Variants in PREX1 observed in about 807,000 individuals in gnomAD.
PREX1 encodes phosphatidylinositol-3,4,5-trisphosphate dependent Rac exchange factor 1, also known as phosphatidylinositol 3,4,5-trisphosphate-dependent Rac exchanger 1 protein.
A neutral mutation model predicts 198.3 loss-of-function variants in PREX1; 41 were observed. The ratio of observed to expected loss-of-function variants is 0.21; its 90% CI spans 0.16 to 0.27. The LOEUF is 0.27. Ranked by LOEUF, PREX1 falls within the 10% of genes least tolerant of loss-of-function variation. The probability of loss-of-function intolerance (pLI) is 1.00; values close to 1 mark genes in which losing one functional copy is unlikely to be tolerated. For synonymous variants in PREX1, 843 were observed against 887.2 expected (o/e 0.95, Z 0.89); for missense variants, 1,620 against 2,200.7 (o/e 0.74, Z 5.28).
At chr20:48,863,321 T>A in the PREX1 span, among the ~76,000 whole-genome samples, 1 of 152,140 alleles carries the variant, frequency 6.6e-6, no homozygotes, top group African/African-American at 2.4e-5. Flanking sequence ...TAGTTTATAT[T>A]AGAGTTGACT....
chr20:48,820,724 C>CTACTGGCA (rs2090480792), intron 1 of PREX1, among the ~76,000 whole-genome samples: 2 of 152,134 alleles, frequency 1.3e-5, no homozygotes, highest in Admixed American at 6.5e-5. Flanking sequence ...AAGAGGGGTC[C>CTACTGGCA]TACTGGCATC....
Position 48,638,163 on chromosome 20 carries a change from TATACTC to T in PREX1, c.3905-417_3905-412del, listed in dbSNP as rs569434493. ...CATGCCACACACAGAGACACACACATATACTCATACGTAGACTCACATATGTACACA... is the reference window on the plus strand; with the variant it reads ...CATGCCACACACAGAGACACACACATATACGTAGACTCACATATGTACACA... On this transcript the variant is annotated intron_variant, in intron 30 of 39. Coordinates refer to ENST00000371941, the MANE Select transcript of PREX1 (RefSeq NM_020820.4). Among the ~76,000 whole-genome samples the T allele has an allele frequency of 6.6e-3, 1,001 of 151,836 alleles. 10 individuals are homozygous for T. The highest frequency in any genetic ancestry group is 0.023 in the African/African-American group (960 of 41,378).
intron 26 of PREX1, 112 bp from the exon 27 acceptor site, chr20:48,644,609 G>T: frequency 1.1e-6 from 1 of 939,686 alleles, no homozygotes; most frequent in Non-Finnish European, 1.6e-6. Flanking sequence ...CCCTCAGGTG[G>T]GCGTGCAGCC....
At chr20:48,756,942 G>A (rs1344726905) in intron 1 of PREX1, among the ~76,000 whole-genome samples, 1 of 152,130 alleles carries the variant, frequency 6.6e-6, no homozygotes, top group African/African-American at 2.4e-5. Context: ...CTTGTGTAGG[G>A]GAACTCCCCT....
At chr20:48,767,253 C>T (rs1023880685) in intron 1 of PREX1, among the ~76,000 whole-genome samples, 2 of 152,240 alleles carry the variant, frequency 1.3e-5, no homozygotes, top group African/African-American at 4.8e-5. Flanking sequence ...AGCCACACCA[C>T]AGACTACGAC....
At chr20:48,743,098 T>A (rs1287922947) in intron 3 of PREX1, among the ~76,000 whole-genome samples, 1 of 152,144 alleles carries the variant, frequency 6.6e-6, no homozygotes, top group Non-Finnish European at 1.5e-5. Flanking sequence ...AGGTCATTCA[T>A]CCTCATGACA....
At chr20:48,797,768 T>C (rs1403840086) in intron 1 of PREX1, among the ~76,000 whole-genome samples, 1 of 152,194 alleles carries the variant, frequency 6.6e-6, no homozygotes, top group Non-Finnish European at 1.5e-5. Context: ...GTCCCGACTT[T>C]CCCGGCCAGC....
At chr20:48,758,000 A>G (rs943283026) in intron 1 of PREX1, among the ~76,000 whole-genome samples, 2 of 152,324 alleles carry the variant, frequency 1.3e-5, no homozygotes, top group Admixed American at 6.5e-5. Context: ...CGGGTGTACC[A>G]TGACAGGACC....
At chr20:48,664,323 C>T (rs915462034) in intron 15 of PREX1, among the ~76,000 whole-genome samples, 2 of 150,758 alleles carry the variant, frequency 1.3e-5, no homozygotes, top group Admixed American at 6.6e-5. Context: ...TGCAGTGAGC[C>T]GAGATCCTGC....
At chr20:48,695,916 A>G (rs1208211861) in intron 7 of PREX1, among the ~76,000 whole-genome samples, 1 of 152,242 alleles carries the variant, frequency 6.6e-6, no homozygotes, top group Non-Finnish European at 1.5e-5. Flanking sequence ...ACAAATGGGC[A>G]TAGCAGTGTT....
At chr20:48,735,750 A>C (rs188168383) in intron 3 of PREX1, among the ~76,000 whole-genome samples, 1 of 152,242 alleles carries the variant, frequency 6.6e-6, no homozygotes, top group Non-Finnish European at 1.5e-5. Flanking sequence ...GACAAAACCA[A>C]GGAAAAGTTG....
intron 1 of PREX1, among the ~76,000 whole-genome samples, chr20:48,782,372 T>C (rs1271558030): frequency 6.6e-6 from 1 of 152,166 alleles, no homozygotes. Context: ...CATTGTCTCT[T>C]GCCCACCTAA....
chr20:48,632,858 G>A (rs1387351559), intron 33 of PREX1, among the ~76,000 whole-genome samples: 1 of 152,122 alleles, frequency 6.6e-6, no homozygotes, highest in Non-Finnish European at 1.5e-5. Context: ...CTCACTCTCC[G>A]AAGAACTGCA....
chr20:48,634,099 G>A (rs2089339619), intron 33 of PREX1, among the ~76,000 whole-genome samples: 1 of 126,126 alleles, frequency 7.9e-6, no homozygotes, highest in South Asian at 2.7e-4. Context: ...TGGATGGATG[G>A]ATGCATGGAT....
At chr20:48,810,056 A>G (rs1285522368) in intron 1 of PREX1, among the ~76,000 whole-genome samples, 1 of 152,224 alleles carries the variant, frequency 6.6e-6, no homozygotes, top group African/African-American at 2.4e-5. Context: ...TGGGCAGGTA[A>G]CAGGGAATGC....
At chr20:48,738,467 A>G (rs1480546487) in intron 3 of PREX1, among the ~76,000 whole-genome samples, 2 of 152,180 alleles carry the variant, frequency 1.3e-5, no homozygotes, top group African/African-American at 4.8e-5. Flanking sequence ...CAGTTCAATC[A>G]CGCCTGTGTC....
chr20:48,679,346 A>T lies in PREX1; in HGVS notation c.1589+14T>A. Reference sequence around the variant, plus strand: ...AGGTAGAGGTGAAATTGGAGCTTGGAAAGAGTAACTTACTTGATCACCGGG... The same window carrying T: ...AGGTAGAGGTGAAATTGGAGCTTGGTAAGAGTAACTTACTTGATCACCGGG... On this transcript the variant is annotated intron_variant, in intron 13 of 39. Coordinates refer to ENST00000371941, the MANE Select transcript of PREX1 (RefSeq NM_020820.4). 6.2e-7 allele frequency: 1 copy of T among 1,609,388 alleles called. No individual in the cohort carries two copies. Among genetic ancestry groups the T allele is most frequent in the Non-Finnish European group, 8.5e-7 (1 of 1,175,878 alleles).
chr20:48,769,843 T>C (rs554022977), intron 1 of PREX1, among the ~76,000 whole-genome samples: 26 of 152,328 alleles, frequency 1.7e-4, no homozygotes, highest in African/African-American at 5.8e-4. Context: ...TCCATAGCAC[T>C]TACCACCTGA....
At chr20:48,838,993 CAAAAAAA>C in the PREX1 span, among the ~76,000 whole-genome samples, 13 of 23,036 alleles carry the variant, frequency 5.6e-4, no homozygotes, top group East Asian at 1.4e-3. Flanking sequence ...GACTCTGTCT[CAAAAAAA>C]AAAAAAAAAA....
Sources: gnomAD v4.1 joint callset for allele counts (sites outside exome capture counted in the v4.1 genomes callset) on GRCh38, gnomAD v4.1.1 for gene constraint, MANE v1.5 for transcripts, NCBI Gene and HGNC (gene_info 2026-07-23, HGNC 2026-07-21) for gene names.